CSMD1: variants seen among roughly 807,000 people sequenced by gnomAD.
CSMD1 encodes CUB and sushi domain-containing protein 1.
In CSMD1, 213 loss-of-function variants were observed where a neutral mutation model predicts 417.5. The ratio of observed to expected loss-of-function variants is 0.51; its 90% CI spans 0.46 to 0.57. CSMD1 has a LOEUF of 0.57. Ranked by LOEUF, CSMD1 falls within the 20% of genes least tolerant of loss-of-function variation. The pLI is 0.00. For missense variants in CSMD1, 6,923 were observed against 4,529.7 expected, an observed-to-expected ratio of 1.53 and a Z score of -15.17; for synonymous variants, 2,862 against 1,736.8, an observed-to-expected ratio of 1.65 and a Z score of -16.11.
At chr8:3,977,592 A>C (rs1813534861) in intron 5 of CSMD1, among the ~76,000 whole-genome samples, 1 of 152,210 alleles carries the variant, frequency 6.6e-6, no homozygotes, top group Non-Finnish European at 1.5e-5. Context: ...CCCATGTTAA[A>C]TTTTATTTTC....
intron 3 of CSMD1, among the ~76,000 whole-genome samples, chr8:4,135,527 AAC>A (rs934557483): frequency 8.5e-5 from 13 of 152,246 alleles, no homozygotes; most frequent in Admixed American, 2.0e-4. Context: ...CCTGAGAAAA[AAC>A]AGTTATGTTT....
chr8:4,383,321 C>G (rs978018578), intron 3 of CSMD1, among the ~76,000 whole-genome samples: 1 of 152,108 alleles, frequency 6.6e-6, no homozygotes, highest in Non-Finnish European at 1.5e-5. Flanking sequence ...ATGGGGGGAT[C>G]TCTGAGTCAA....
At chr8:3,692,955 T>C (rs1362536987) in intron 7 of CSMD1, among the ~76,000 whole-genome samples, 2 of 152,194 alleles carry the variant, frequency 1.3e-5, no homozygotes, top group African/African-American at 4.8e-5. Flanking sequence ...ATCCTGTTTT[T>C]TTGTGTGATT....
At chr8:4,622,834 C>A (rs191537860) in intron 2 of CSMD1, among the ~76,000 whole-genome samples, 5 of 152,224 alleles carry the variant, frequency 3.3e-5, no homozygotes, top group Admixed American at 3.3e-4. Flanking sequence ...CCTCTCTTTG[C>A]AGATGACATG....
At chr8:3,270,929 T>A (rs1229619628) in intron 26 of CSMD1, among the ~76,000 whole-genome samples, 3 of 81,536 alleles carry the variant, frequency 3.7e-5, no homozygotes, top group Admixed American at 2.6e-4. Context: ...TTTTAATTTT[T>A]TATTTATTAT....
chr8:4,093,859 C>G (rs922990637), intron 3 of CSMD1, among the ~76,000 whole-genome samples: 1 of 151,996 alleles, frequency 6.6e-6, no homozygotes, highest in African/African-American at 2.4e-5. Flanking sequence ...AATCGGGAGG[C>G]TGAGGCAGGA....
chr8:4,379,555 C>T (rs1195589648), intron 3 of CSMD1, among the ~76,000 whole-genome samples: 1 of 152,172 alleles, frequency 6.6e-6, no homozygotes, highest in Admixed American at 6.6e-5. Flanking sequence ...ATTATTTTTG[C>T]AATTTTGTGG....
intron 3 of CSMD1, among the ~76,000 whole-genome samples, chr8:4,288,539 C>A (rs1797187494): frequency 6.6e-6 from 1 of 152,172 alleles, no homozygotes; most frequent in African/African-American, 2.4e-5. Flanking sequence ...CACATCCTGT[C>A]CTTATGACTT....
intron 6 of CSMD1, among the ~76,000 whole-genome samples, chr8:3,712,576 A>G (rs1801588851): frequency 6.6e-6 from 1 of 152,226 alleles, no homozygotes; most frequent in Admixed American, 6.5e-5. Context: ...CGAATGAATG[A>G]TAAAAATATT....
At chr8:3,709,546 G>C (rs1465378451) in intron 6 of CSMD1, among the ~76,000 whole-genome samples, 2 of 152,016 alleles carry the variant, frequency 1.3e-5, no homozygotes, top group East Asian at 1.9e-4. Context: ...GCTGACTCAG[G>C]AAAGAAGATG....
chr8:4,607,545 T>G (rs1365841155), intron 2 of CSMD1, among the ~76,000 whole-genome samples: 1 of 152,144 alleles, frequency 6.6e-6, no homozygotes, highest in Non-Finnish European at 1.5e-5. Flanking sequence ...GAATTTGACC[T>G]AGGTTTCAAC....
chr8:4,589,268 G>C (rs1392546333), intron 2 of CSMD1, among the ~76,000 whole-genome samples: 1 of 152,098 alleles, frequency 6.6e-6, no homozygotes, highest in Non-Finnish European at 1.5e-5. Context: ...TTCTAAATTT[G>C]TGTTTTGCCT....
chr8:4,646,279 T>C (rs1035807758), intron 1 of CSMD1, among the ~76,000 whole-genome samples: 1 of 152,200 alleles, frequency 6.6e-6, no homozygotes, highest in Non-Finnish European at 1.5e-5. Context: ...CAGGTATTTA[T>C]TTATCTCTTA....
At chr8:3,532,626 A>C (rs77968050) in intron 10 of CSMD1, among the ~76,000 whole-genome samples, 2,318 of 152,270 alleles carry the variant, frequency 0.015, 27 homozygotes, top group Non-Finnish European at 0.022. Flanking sequence ...TACTACGCCA[A>C]AATTTTACAT....
intron 3 of CSMD1, among the ~76,000 whole-genome samples, chr8:4,116,437 G>A (rs1221252811): frequency 6.8e-6 from 1 of 146,304 alleles, no homozygotes; most frequent in Non-Finnish European, 1.5e-5. Context: ...AGATGGCGAC[G>A]TATGAGTGCA....
intron 5 of CSMD1, among the ~76,000 whole-genome samples, chr8:3,818,518 G>A (rs1306648173): frequency 6.6e-6 from 1 of 152,142 alleles, no homozygotes; most frequent in Admixed American, 6.5e-5. Context: ...CTGCAGATTA[G>A]ACCAGGGTAG....
At chr8:4,412,426 G>C (rs180707796) in intron 3 of CSMD1, among the ~76,000 whole-genome samples, 22 of 152,274 alleles carry the variant, frequency 1.4e-4, no homozygotes, top group Admixed American at 1.2e-3. Flanking sequence ...CTTCTACCAT[G>C]ATTGGAAGCT....
chr8:3,302,383 T>C (rs548105551), intron 25 of CSMD1, among the ~76,000 whole-genome samples: 1 of 152,144 alleles, frequency 6.6e-6, no homozygotes, highest in Non-Finnish European at 1.5e-5. Flanking sequence ...TTGGCTGAGT[T>C]TCCCTGGCTG....
chr8:4,946,440 G>A (rs958900524), intron 1 of CSMD1, among the ~76,000 whole-genome samples: 10 of 152,136 alleles, frequency 6.6e-5, no homozygotes, highest in African/African-American at 2.2e-4. Context: ...ACCGTGTGTT[G>A]AGTGACAGGC....
Sources: gnomAD v4.1 joint callset for allele counts (sites outside exome capture counted in the v4.1 genomes callset) on GRCh38, gnomAD v4.1.1 for gene constraint, MANE v1.5 for transcripts, NCBI Gene and HGNC (gene_info 2026-07-23, HGNC 2026-07-21) for gene names.